The following TEAD1 variants were observed in gnomAD, a reference collection of about 807,000 sequenced individuals.
TEAD1 encodes TEA domain transcription factor 1, also known as transcriptional enhancer factor TEF-1.
In TEAD1, 9 loss-of-function variants were observed where a neutral mutation model predicts 54.9. That is an observed-to-expected ratio of 0.16 (90% CI 0.10 to 0.29). The LOEUF is 0.29. Among genes scored for constraint, TEAD1 ranks in the 10% least tolerant of loss-of-function variants. The pLI is 1.00. For missense variants in TEAD1, 387 were observed against 535.9 expected, an observed-to-expected ratio of 0.72 and a Z score of 2.74; for synonymous variants, 200 against 187.8, an observed-to-expected ratio of 1.07 and a Z score of -0.53.
intron 3 of TEAD1, among the ~76,000 whole-genome samples, chr11:12,843,812 T>G (rs1947088190): frequency 6.6e-6 from 1 of 152,252 alleles, no homozygotes. Context: ...TGAAAACTTG[T>G]TCTTTTTAAA....
intron 3 of TEAD1, among the ~76,000 whole-genome samples, chr11:12,813,544 A>G (rs1338658499): frequency 1.3e-5 from 2 of 152,206 alleles, no homozygotes; most frequent in African/African-American, 2.4e-5. Context: ...GCAGTGTAAC[A>G]TCAAAGCCAA....
chr11:12,740,989 T>C (rs1234342467), intron 2 of TEAD1, among the ~76,000 whole-genome samples: 1 of 151,840 alleles, frequency 6.6e-6, no homozygotes, highest in African/African-American at 2.4e-5. Flanking sequence ...TTGGAATCCT[T>C]TCTTAAAAAT....
intron 3 of TEAD1, among the ~76,000 whole-genome samples, chr11:12,800,203 A>T (rs1023641321): frequency 2.6e-5 from 4 of 152,082 alleles, no homozygotes; most frequent in South Asian, 4.2e-4. Flanking sequence ...GACTGCTTGC[A>T]CCTCCAGAGC....
chr11:12,928,553 A>T (rs193243152), intron 11 of TEAD1, among the ~76,000 whole-genome samples: 14 of 152,258 alleles, frequency 9.2e-5, no homozygotes, highest in Admixed American at 2.6e-4. Flanking sequence ...TAAAGGTGTG[A>T]GCTGTCACAC....
At chr11:12,773,465 G>T (rs1212050161) in intron 3 of TEAD1, among the ~76,000 whole-genome samples, 1 of 152,184 alleles carries the variant, frequency 6.6e-6, no homozygotes, top group Non-Finnish European at 1.5e-5. Flanking sequence ...ATTGTGATAG[G>T]TGTGTAATTG....
intron 2 of TEAD1, among the ~76,000 whole-genome samples, chr11:12,732,878 T>C (rs969294436): frequency 6.6e-6 from 1 of 152,228 alleles, no homozygotes; most frequent in African/African-American, 2.4e-5. Context: ...GAAAAAAGAT[T>C]ACCCTCTCTT....
intron 10 of TEAD1, among the ~76,000 whole-genome samples, chr11:12,912,347 A>G (rs1948631753): frequency 6.6e-6 from 1 of 152,132 alleles, no homozygotes. Context: ...GTTGCTGTGG[A>G]AGCACAGAGG....
At chr11:12,804,119 A>G (rs1946120333) in intron 3 of TEAD1, among the ~76,000 whole-genome samples, 1 of 152,248 alleles carries the variant, frequency 6.6e-6, no homozygotes, top group African/African-American at 2.4e-5. Flanking sequence ...ACCCAAACAA[A>G]TGTAATTCTC....
intron 2 of TEAD1, among the ~76,000 whole-genome samples, chr11:12,740,228 C>T (rs555549767): frequency 6.6e-6 from 1 of 152,260 alleles, no homozygotes; most frequent in South Asian, 2.1e-4. Flanking sequence ...TTCCTCATCT[C>T]TAAAATAGGA....
At chr11:12,803,816 G>C (rs933825806) in intron 3 of TEAD1, among the ~76,000 whole-genome samples, 3 of 152,154 alleles carry the variant, frequency 2.0e-5, no homozygotes, top group African/African-American at 7.2e-5. Flanking sequence ...TGGGAAACTG[G>C]GGTTCCAAGG....
intron 2 of TEAD1, among the ~76,000 whole-genome samples, chr11:12,724,749 T>C (rs1310994776): frequency 6.6e-6 from 1 of 152,174 alleles, no homozygotes; most frequent in Admixed American, 6.5e-5. Flanking sequence ...TACTCTGGGA[T>C]GGGAATTCCC....
intron 3 of TEAD1, among the ~76,000 whole-genome samples, chr11:12,811,272 A>C (rs909660906): frequency 6.6e-6 from 1 of 152,164 alleles, no homozygotes; most frequent in Admixed American, 6.5e-5. Context: ...CATGAGTTCT[A>C]TATGGGAGCA....
rs944301590 is a variant in TEAD1 at position 12,900,147 on chromosome 11, G to A, written c.700-1793G>A. The stretch of plus-strand genomic sequence containing the variant: ...ATGATCATAGCTCCATTACACCTTC[G>A]ATCTTCCAGGCTCAAGTGATCCTCC... On this transcript the variant is annotated intron_variant, in intron 9 of 12. Transcript: ENST00000527636. Among the ~76,000 whole-genome samples, 4 of 152,078 alleles carry A rather than the reference G, an allele frequency of 2.6e-5. No individual in the cohort carries two copies. In the South Asian group the frequency reaches 6.2e-4, roughly 24 times the overall value.
chr11:12,928,185 T>G (rs1021286404), intron 11 of TEAD1, among the ~76,000 whole-genome samples: 2 of 152,222 alleles, frequency 1.3e-5, no homozygotes, highest in Admixed American at 1.3e-4. Flanking sequence ...GAAACAGTCT[T>G]ACTTTGGATT....
Position 12,938,259 on chromosome 11 carries a change from C to T in TEAD1, c.*1037C>T, listed in dbSNP as rs1949128215. Reference sequence around the variant, plus strand: ...GATGCAAAGTATACAGAATCTGTGGCTGGGAGAAAATTTCATCAAATAGAC... The same window carrying T: ...GATGCAAAGTATACAGAATCTGTGGTTGGGAGAAAATTTCATCAAATAGAC... On this transcript the variant is annotated 3_prime_UTR_variant, in exon 13 of 13. Coordinates refer to ENST00000527636, the MANE Select transcript of TEAD1 (RefSeq NM_021961.6). 1 of 152,526 alleles carries T rather than the reference C, an allele frequency of 6.6e-6. No homozygotes were observed. The highest frequency in any genetic ancestry group is 2.1e-4 in the South Asian group (1 of 4,814). 9.4% of individuals were successfully genotyped at this position (152,526 alleles called of 1,614,324 possible).
At position 12,863,268 on chromosome 11, in the gene TEAD1, C is replaced by T. The variant is rs536955086; in HGVS notation, c.267+954C>T. Reference sequence around the variant, plus strand: ...CTTTTCCCAGGAATGCTACTTGTGCCACAGCCTGGGAGCCTGGCTGCTGAG... The same window carrying T: ...CTTTTCCCAGGAATGCTACTTGTGCTACAGCCTGGGAGCCTGGCTGCTGAG... On this transcript the variant is annotated intron_variant, in intron 4 of 12. Coordinates refer to ENST00000527636, the MANE Select transcript of TEAD1 (RefSeq NM_021961.6). 4.6e-5 allele frequency among the ~76,000 whole-genome samples: 7 copies of T among 152,216 alleles called. No individual in the cohort carries two copies. The East Asian group carries it at 1.4e-3, about 29-fold the overall frequency.
intron 2 of TEAD1, among the ~76,000 whole-genome samples, chr11:12,720,420 C>T (rs73421978): frequency 2.1e-3 from 315 of 152,262 alleles, no homozygotes; most frequent in African/African-American, 7.1e-3. Context: ...TTCTACAATG[C>T]TTATAGTAAC....
chr11:12,918,036 G>A (rs538958453), intron 10 of TEAD1, among the ~76,000 whole-genome samples: 1 of 152,318 alleles, frequency 6.6e-6, no homozygotes, highest in South Asian at 2.1e-4. Flanking sequence ...TGATTAGGCA[G>A]AAATAGTTTG....
At chr11:12,824,535 T>C (rs909296890) in intron 3 of TEAD1, among the ~76,000 whole-genome samples, 13 of 152,258 alleles carry the variant, frequency 8.5e-5, no homozygotes, top group African/African-American at 3.1e-4. Context: ...TGCCCGATTG[T>C]TTCCATCCGG....
Sources: gnomAD v4.1 joint callset for allele counts (sites outside exome capture counted in the v4.1 genomes callset) on GRCh38, gnomAD v4.1.1 for gene constraint, MANE v1.5 for transcripts, NCBI Gene and HGNC (gene_info 2026-07-23, HGNC 2026-07-21) for gene names.